Variants in KBTBD12 observed in about 807,000 individuals in gnomAD.
KBTBD12 encodes the protein kelch repeat and BTB domain-containing protein 12.
In KBTBD12, 53 loss-of-function variants were observed where a neutral mutation model predicts 58.7. That is an observed-to-expected ratio of 0.90 (90% confidence interval 0.72 to 1.14). The LOEUF is 1.14. KBTBD12 is among the 50% of genes most tolerant of loss of function. KBTBD12 has a pLI of 0.00. For missense variants in KBTBD12, 704 were observed against 751.3 expected (o/e 0.94, Z 0.74); for synonymous variants, 236 against 259.8 (o/e 0.91, Z 0.88).
chr3:127,963,394 T>C lies in KBTBD12; in HGVS notation c.1690+8T>C, dbSNP rs79772468. ...GGGGATTCCATGGAGCAGGTATGGG[T>C]CCAGTTTTAAACATTTTGTTACCTC... On this transcript the variant is annotated splice_region_variant and intron_variant, in intron 5 of 5. Coordinates refer to ENST00000405109, the MANE Select transcript of KBTBD12 (RefSeq NM_207335.4). 2,568 of 1,589,132 alleles carry C rather than the reference T, an allele frequency of 1.6e-3. 33 individuals are homozygous for C. The African/African-American group carries it at 0.029, about 18-fold the overall frequency.
intron 4 of KBTBD12, 54 bp from the exon 5 acceptor site, chr3:127,963,135 C>T: frequency 1.4e-6 from 2 of 1,460,046 alleles, no homozygotes; most frequent in Non-Finnish European, 1.9e-6. Context: ...CAGTGCTGTC[C>T]ACAATTGAGT....
chr3:127,918,448 C>T lies in KBTBD12; in HGVS notation c.-113+2862C>T, dbSNP rs534952630. Among the ~76,000 whole-genome samples the T allele has an allele frequency of 7.2e-5, 11 of 152,276 alleles. 1 individual carries two copies. The highest frequency in any genetic ancestry group is 2.6e-4 in the African/African-American group (11 of 41,550). ...AGCATGTTAGCCAGGCGCGGTGGCT[C>T]ACGCCTGTAATCCCAGCACTTTGGG... On this transcript the variant is annotated intron_variant, in intron 1 of 5. Coordinates refer to ENST00000405109, the MANE Select transcript of KBTBD12 (RefSeq NM_207335.4).
At chr3:127,936,934 G>A (rs187595771) in intron 4 of KBTBD12, among the ~76,000 whole-genome samples, 7 of 152,110 alleles carry the variant, frequency 4.6e-5, no homozygotes, top group Non-Finnish European at 8.8e-5. Context: ...ACCCAAATTC[G>A]CATACCCAAG....
At chr3:127,938,916 C>G (rs1939883863) in intron 4 of KBTBD12, among the ~76,000 whole-genome samples, 1 of 152,066 alleles carries the variant, frequency 6.6e-6, no homozygotes, top group Admixed American at 6.6e-5. Flanking sequence ...AGAAAGAACA[C>G]CAGAATTTTA....
At chr3:127,954,212 G>T (rs1244191533) in intron 4 of KBTBD12, among the ~76,000 whole-genome samples, 2 of 152,088 alleles carry the variant, frequency 1.3e-5, no homozygotes. Flanking sequence ...TGCCTAAAAA[G>T]GTAGTCCAGA....
chr3:127,945,548 G>C (rs902397115), intron 4 of KBTBD12, among the ~76,000 whole-genome samples: 41 of 151,888 alleles, frequency 2.7e-4, no homozygotes, highest in African/African-American at 6.8e-4. Context: ...AATGGCTAGT[G>C]ATGATGAGCA....
Position 127,923,177 on chromosome 3 carries a change from G to A in KBTBD12, c.116G>A (p.Gly39Glu). The stretch of plus-strand genomic sequence containing the variant: ...ATTGATGTGGTACTCACAGCAGAAG[G>A]AGAGAAATTTCCTTGCCACAGACTG... ...EMIDVVLTAE[G>E]EKFPCHRLVL... Residue 39 changes from glycine (G) to glutamate (E), a missense_variant, in exon 2 of 6, where the codon GGA (glycine) becomes GAA (glutamate). Coordinates refer to ENST00000405109, the MANE Select transcript of KBTBD12 (RefSeq NM_207335.4). 1 of 1,613,734 alleles carries A rather than the reference G, an allele frequency of 6.2e-7. No homozygotes were observed. Among genetic ancestry groups the A allele is most frequent in the Non-Finnish European group, 8.5e-7 (1 of 1,179,680 alleles).
chr3:127,946,277 C>A (rs1940080315), intron 4 of KBTBD12, among the ~76,000 whole-genome samples: 2 of 152,180 alleles, frequency 1.3e-5, no homozygotes, highest in African/African-American at 4.8e-5. Context: ...GTGTCTTTAC[C>A]TTTAAGTTTT....
At chr3:127,953,254 A>G (rs1427897005) in intron 4 of KBTBD12, among the ~76,000 whole-genome samples, 1 of 152,218 alleles carries the variant, frequency 6.6e-6, no homozygotes, top group Non-Finnish European at 1.5e-5. Context: ...CTTATTGTTA[A>G]TGCCCTGCCA....
At position 127,933,362 on chromosome 3, in the gene KBTBD12, G is replaced by T. The variant is rs371541716; in HGVS notation, c.1492+3079G>T. On this transcript the variant is annotated intron_variant, in intron 4 of 5. Transcript: ENST00000405109. Reference sequence around the variant, plus strand: ...AAGGGGGCTGACATGTTTGTGAGTAGAGGGTGGAAAAACCACACTCACAGT... The same window carrying T: ...AAGGGGGCTGACATGTTTGTGAGTATAGGGTGGAAAAACCACACTCACAGT... 1.1e-3 allele frequency among the ~76,000 whole-genome samples: 175 copies of T among 152,210 alleles called. No individual in the cohort carries two copies. In the Middle Eastern group the frequency reaches 0.034, roughly 30 times the overall value.
In KBTBD12 at chr3:127,963,221, C is replaced by T; in HGVS notation, c.1525C>T (p.Gln509Ter). Reference sequence around the variant, plus strand: ...TGGCTGTGTAGGTCAAGACAAGGGCCAGGTTCGAAAATGCCTTGACGTGGT... The same window carrying T: ...TGGCTGTGTAGGTCAAGACAAGGGCTAGGTTCGAAAATGCCTTGACGTGGT... ...GIGCVGQDKG[Q>*]VRKCLDVVEI... Residue 509 changes from glutamine (Q) to a stop codon, truncating the protein, a stop_gained, in exon 5 of 6, where the codon CAG (glutamine) becomes TAG (stop). Coordinates refer to ENST00000405109, the MANE Select transcript of KBTBD12 (RefSeq NM_207335.4). LOFTEE classifies it high-confidence loss of function. 3 of 1,611,980 alleles carry T rather than the reference C, an allele frequency of 1.9e-6. No homozygotes were observed. The highest frequency in any genetic ancestry group is 2.5e-6 in the Non-Finnish European group (3 of 1,179,050).
At chr3:127,966,509 A>G (rs1940573734) in intron 5 of KBTBD12, among the ~76,000 whole-genome samples, 1 of 152,252 alleles carries the variant, frequency 6.6e-6, no homozygotes, top group Admixed American at 6.5e-5. Flanking sequence ...TGGAAATTAA[A>G]AAATATAGCA....
In KBTBD12 at chr3:127,984,272, G is replaced by A; in HGVS notation, c.1866G>A (p.Glu622=). ...CAGATTTGGTGGAAGAAGGCAATGAGCACTAAGGTGACCTTGCTGGAGGAC... is the reference window on the plus strand; with the variant it reads ...CAGATTTGGTGGAAGAAGGCAATGAACACTAAGGTGACCTTGCTGGAGGAC... ...PPSDLVEEGN[E]H The change falls in exon 6 of 6, where the codon GAG becomes GAA. Residue 622 remains glutamate (E), a synonymous_variant. Transcript: ENST00000405109. The A allele has an allele frequency of 6.2e-7, 1 of 1,612,870 alleles. No individual in the cohort carries two copies. The highest frequency in any genetic ancestry group is 2.2e-5 in the East Asian group (1 of 44,864).
chr3:127,930,276 T>C lies in KBTBD12; in HGVS notation c.1485T>C (p.Tyr495=). Residue 495 remains tyrosine (Y), a synonymous_variant, in exon 4 of 6, where the codon TAT becomes TAC. Coordinates refer to ENST00000405109, the MANE Select transcript of KBTBD12 (RefSeq NM_207335.4). ...CAGCTGTAGTCAACAGTGAGATTTA[T>C]GTTTTGGGTAAGAAGAAGCAGATTG... The part of the protein sequence containing the change: ...FSTAVVNSEI[Y]VLGGIGCVGQ... 3 of 1,611,244 alleles carry C rather than the reference T, an allele frequency of 1.9e-6. No homozygotes were observed. The highest frequency in any genetic ancestry group is 2.5e-6 in the Non-Finnish European group (3 of 1,178,566).
intron 5 of KBTBD12, among the ~76,000 whole-genome samples, chr3:127,978,011 T>C (rs973458258): frequency 3.3e-5 from 5 of 152,210 alleles, no homozygotes; most frequent in African/African-American, 1.2e-4. Context: ...GTATATGGCG[T>C]AAGGAAGGGG....
At chr3:127,962,717 G>A (rs2107609882) in intron 4 of KBTBD12, among the ~76,000 whole-genome samples, 1 of 152,300 alleles carries the variant, frequency 6.6e-6, no homozygotes, top group East Asian at 1.9e-4. Context: ...CCCTAGTTGG[G>A]AAAGATCATG....
chr3:127,940,857 G>T (rs1473429703), intron 4 of KBTBD12, among the ~76,000 whole-genome samples: 1 of 152,062 alleles, frequency 6.6e-6, no homozygotes, highest in Non-Finnish European at 1.5e-5. Flanking sequence ...ACCAATATTA[G>T]AAATGAAAAG....
intron 5 of KBTBD12, among the ~76,000 whole-genome samples, chr3:127,965,994 A>G (rs1022756522): frequency 6.6e-6 from 1 of 152,248 alleles, no homozygotes; most frequent in African/African-American, 2.4e-5. Flanking sequence ...TACTGAAAAC[A>G]TGAAGATTAG....
At chr3:127,924,157 T>A in intron 2 of KBTBD12, 26 bp downstream of exon 2, 1 of 1,481,840 alleles carries the variant, frequency 6.7e-7, no homozygotes, top group Non-Finnish European at 9.3e-7. Context: ...CAAATTTGCT[T>A]AATTATTTTG....
Sources: gnomAD v4.1 joint callset for allele counts (sites outside exome capture counted in the v4.1 genomes callset) on GRCh38, gnomAD v4.1.1 for gene constraint, MANE v1.5 for transcripts, NCBI Gene and HGNC (gene_info 2026-07-23, HGNC 2026-07-21) for gene names.